Variants in SEMA3C observed in about 807,000 individuals in gnomAD.
SEMA3C encodes the protein semaphorin-3C.
In SEMA3C, 47 loss-of-function variants were observed where a neutral mutation model predicts 89.4. The ratio of observed to expected loss-of-function variants is 0.53; its 90% confidence interval spans 0.42 to 0.67. SEMA3C has a LOEUF of 0.67. Ranked by LOEUF, SEMA3C falls within the 30% of genes least tolerant of loss-of-function variation. SEMA3C has a pLI of 0.00. For missense variants in SEMA3C, 839 were observed against 929.1 expected (o/e 0.90, Z 1.26); for synonymous variants, 310 against 320.2 (o/e 0.97, Z 0.34).
In SEMA3C at chr7:80,744,937, C is replaced by T. The variant is rs1430253050; in HGVS notation, c.2213G>A (p.Ser738Asn). ...DYGKLKALIN[S>N]RKSRNRRNQL... ...ATTCCTCCTGTTTCTACTTTTCCGA[C>T]TATTGATGAGGGCCTTTAACTTGCC... The change falls in exon 18 of 18, where the codon AGT becomes AAT. Residue 738 changes from serine to asparagine, a missense_variant. Transcript: ENST00000265361. The T allele has an allele frequency of 6.2e-7, 1 of 1,614,112 alleles. No homozygotes were observed. Among genetic ancestry groups the T allele is most frequent in the Non-Finnish European group, 8.5e-7 (1 of 1,179,966 alleles).
At chr7:80,913,425 G>A (rs1792199236) in intron 2 of SEMA3C, among the ~76,000 whole-genome samples, 1 of 152,040 alleles carries the variant, frequency 6.6e-6, no homozygotes, top group Non-Finnish European at 1.5e-5. Context: ...GAAAAAACAG[G>A]TAATCCTATG....
chr7:80,768,063 C>T (rs1295265163), intron 12 of SEMA3C, among the ~76,000 whole-genome samples: 1 of 152,188 alleles, frequency 6.6e-6, no homozygotes, highest in African/African-American at 2.4e-5. Flanking sequence ...AGTATAAGCA[C>T]ATAATCTTAG....
chr7:80,819,074 T>C (rs761546061), intron 4 of SEMA3C, among the ~76,000 whole-genome samples: 1 of 152,236 alleles, frequency 6.6e-6, no homozygotes, highest in Non-Finnish European at 1.5e-5. Context: ...CTTTTTCTAT[T>C]TCTGTTTTAA....
intron 9 of SEMA3C, among the ~76,000 whole-genome samples, chr7:80,802,093 A>T (rs1026903848): frequency 3.9e-5 from 6 of 152,126 alleles, no homozygotes; most frequent in African/African-American, 1.4e-4. Flanking sequence ...AAAATAAAAA[A>T]ACTGTTCCTT....
intron 11 of SEMA3C, among the ~76,000 whole-genome samples, chr7:80,796,188 T>C (rs1405669748): frequency 6.6e-6 from 1 of 152,202 alleles, no homozygotes; most frequent in East Asian, 1.9e-4. Flanking sequence ...CATATTAAGA[T>C]GAGTCTATGA....
At chr7:80,746,223 C>T (rs142681148) in intron 17 of SEMA3C, among the ~76,000 whole-genome samples, 1,606 of 151,950 alleles carry the variant, frequency 0.011, 20 homozygotes, top group Non-Finnish European at 0.016. Flanking sequence ...TGCAAATGGA[C>T]AAGATATTAC....
At chr7:80,878,065 T>C (rs1791241169) in intron 2 of SEMA3C, among the ~76,000 whole-genome samples, 1 of 152,158 alleles carries the variant, frequency 6.6e-6, no homozygotes, top group South Asian at 2.1e-4. Flanking sequence ...ATTTCTTACT[T>C]GTTTCAAGTC....
chr7:80,850,859 C>T (rs1436722415), intron 2 of SEMA3C, among the ~76,000 whole-genome samples: 1 of 152,130 alleles, frequency 6.6e-6, no homozygotes, highest in African/African-American at 2.4e-5. Context: ...TAACTAATTA[C>T]TACAGGCGTG....
intron 2 of SEMA3C, among the ~76,000 whole-genome samples, chr7:80,874,651 A>G (rs1312616595): frequency 2.0e-5 from 3 of 151,778 alleles, no homozygotes; most frequent in Admixed American, 1.3e-4. Flanking sequence ...TGTTTTTAGT[A>G]GAGACAGGGT....
intron 4 of SEMA3C, among the ~76,000 whole-genome samples, chr7:80,821,350 G>A (rs559980280): frequency 2.0e-4 from 31 of 152,226 alleles, no homozygotes; most frequent in African/African-American, 6.5e-4. Flanking sequence ...AAACACATAC[G>A]TCTCTAACAT....
At chr7:80,909,091 T>C (rs1331968014) in intron 2 of SEMA3C, among the ~76,000 whole-genome samples, 2 of 152,134 alleles carry the variant, frequency 1.3e-5, no homozygotes, top group Non-Finnish European at 2.9e-5. Flanking sequence ...TGTGTATGTG[T>C]GTGTGTGAGA....
intron 12 of SEMA3C, among the ~76,000 whole-genome samples, chr7:80,770,627 C>T (rs1788407573): frequency 6.6e-6 from 1 of 152,234 alleles, no homozygotes. Context: ...AACACCCTGA[C>T]ACATCTTTCG....
intron 2 of SEMA3C, among the ~76,000 whole-genome samples, chr7:80,882,651 C>T (rs1402805547): frequency 6.6e-6 from 1 of 151,734 alleles, no homozygotes; most frequent in African/African-American, 2.4e-5. Flanking sequence ...TGAGGAGTCT[C>T]GATTACCTCA....
intron 2 of SEMA3C, among the ~76,000 whole-genome samples, chr7:80,900,120 T>C (rs969595306): frequency 3.9e-5 from 6 of 152,100 alleles, no homozygotes; most frequent in Non-Finnish European, 7.4e-5. Context: ...AGTATGTTTT[T>C]TTTTTTTCTT....
chr7:80,827,397 T>A (rs535450253), intron 4 of SEMA3C, 28 bp downstream of exon 4: 2 of 1,254,524 alleles, frequency 1.6e-6, no homozygotes, highest in Admixed American at 3.2e-5. Flanking sequence ...TTAGTGTTTT[T>A]TTTTTTTTTT....
At position 80,770,478 on chromosome 7, in the gene SEMA3C, T is replaced by C. The variant is rs757755398; in HGVS notation, c.1355-5235A>G. On this transcript the variant is annotated intron_variant, in intron 12 of 17. Coordinates refer to ENST00000265361, the MANE Select transcript of SEMA3C (RefSeq NM_006379.5). ...CTATGATATGGTTACAGCGAAGCTG[T>C]CACTTCTTTTTTTCTTTAAACCTCA... 3.8e-4 allele frequency among the ~76,000 whole-genome samples: 58 copies of C among 152,366 alleles called. 1 individual carries two copies. Among genetic ancestry groups the C allele is most frequent in the Middle Eastern group, 6.8e-3 (2 of 294 alleles).
chr7:80,891,108 G>A (rs1230651239), intron 2 of SEMA3C, among the ~76,000 whole-genome samples: 1 of 152,120 alleles, frequency 6.6e-6, no homozygotes. Context: ...TAGAGGACTT[G>A]CTTCTGCTCC....
intron 2 of SEMA3C, among the ~76,000 whole-genome samples, chr7:80,871,887 G>T (rs1443964615): frequency 1.3e-5 from 2 of 151,960 alleles, no homozygotes; most frequent in African/African-American, 4.8e-5. Context: ...CCTTAAATAT[G>T]TATTAATTTA....
chr7:80,884,449 G>A (rs189020993), intron 2 of SEMA3C, among the ~76,000 whole-genome samples: 9 of 152,110 alleles, frequency 5.9e-5, no homozygotes, highest in African/African-American at 1.9e-4. Flanking sequence ...AAATATATCC[G>A]ATTTTTTTAA....
Sources: gnomAD v4.1 joint callset for allele counts (sites outside exome capture counted in the v4.1 genomes callset) on GRCh38, gnomAD v4.1.1 for gene constraint, MANE v1.5 for transcripts, NCBI Gene and HGNC (gene_info 2026-07-23, HGNC 2026-07-21) for gene names.